Variants in ASAH2 observed in about 807,000 individuals in gnomAD.
ASAH2 encodes the protein N-acylsphingosine amidohydrolase 2.
ASAH2 carries 58 observed loss-of-function variants against 82.9 expected under a neutral mutation model. That is an observed-to-expected ratio of 0.70 (90% confidence interval 0.57 to 0.87). The LOEUF (loss-of-function observed/expected upper bound fraction) is 0.87, where lower values mean the gene tolerates loss of function less well. Ranked by LOEUF, ASAH2 falls within the 40% of genes least tolerant of loss-of-function variation. The pLI is 0.00. For synonymous variants in ASAH2, 276 were observed against 289.7 expected (o/e 0.95, Z 0.48); for missense variants, 779 against 834.0 (o/e 0.93, Z 0.81).
At chr10:50,206,536 C>CCA (rs1845301766) in intron 12 of ASAH2, among the ~76,000 whole-genome samples, 1 of 24,430 alleles carries the variant, frequency 4.1e-5, no homozygotes, top group East Asian at 9.2e-4. Context: ...ATTTAGTTAT[C>CCA]TACACACACA....
intron 7 of ASAH2, among the ~76,000 whole-genome samples, chr10:50,220,506 GTTACTCT>G (rs1386630230): frequency 3.1e-3 from 7 of 2,270 alleles, no homozygotes; most frequent in African/African-American, 3.5e-3. Context: ...GGCTCCATTT[GTTACTCT>G]TAGCAAACAA....
rs1037684362 is a variant in ASAH2, at chr10:50,202,046, C to A, written c.1761+783G>T. ...GAGGTAGTGAAGAAAGGATGTAATT[C>A]TTCCTATCCAAGTTTAGCATCATTA... On this transcript the variant is annotated intron_variant, in intron 16 of 20. Transcript: ENST00000682911. 7.5e-3 allele frequency among the ~76,000 whole-genome samples: 1,141 copies of A among 152,150 alleles called. 13 individuals are homozygous for A. Among genetic ancestry groups the A allele is most frequent in the African/African-American group, 0.026 (1,092 of 41,516 alleles).
At chr10:50,218,844 A>T (rs199603600) in intron 7 of ASAH2, among the ~76,000 whole-genome samples, 23,012 of 152,220 alleles carry the variant, frequency 0.15, 2,046 homozygotes, top group East Asian at 0.33. Flanking sequence ...TAAAAATACA[A>T]AACTCCATTT....
In ASAH2 at chr10:50,243,335, G is replaced by A; in HGVS notation, c.377C>T (p.Ser126Phe). 6.2e-7 allele frequency: 1 copy of A among 1,613,996 alleles called. No homozygotes were observed. The highest frequency in any genetic ancestry group is 8.5e-7 in the Non-Finnish European group (1 of 1,179,932). ...ADINLMGYGK[S>F]GQNAQGILTR... ...GAGGATGCCCTGTGCATTCTGGCCG[G>A]ATTTGCCATAGCCCATCTAAAGAGG... is the stretch of plus-strand genomic sequence containing the variant. Residue 126 changes from serine (S) to phenylalanine (F), a missense_variant, in exon 4 of 21, where the codon TCC (serine) becomes TTC (phenylalanine). By Grantham distance (155) the Ser-to-Phe change is radical (BLOSUM62 -2). Transcript: ENST00000682911.
intron 7 of ASAH2, among the ~76,000 whole-genome samples, chr10:50,231,312 C>A (rs953264362): frequency 1.3e-5 from 2 of 152,036 alleles, no homozygotes; most frequent in Non-Finnish European, 2.9e-5. Context: ...CACACTCTGG[C>A]CTTATGGCTC....
chr10:50,233,965 G>A (rs1846081032), intron 6 of ASAH2, among the ~76,000 whole-genome samples: 1 of 151,968 alleles, frequency 6.6e-6, no homozygotes, highest in Non-Finnish European at 1.5e-5. Context: ...CCACACTCTT[G>A]TGGACTAAGA....
At chr10:50,210,997 G>A in intron 11 of ASAH2, 33 bp downstream of exon 11, 1 of 1,599,094 alleles carries the variant, frequency 6.3e-7, no homozygotes, top group Admixed American at 1.7e-5. Flanking sequence ...CTTCACCCTT[G>A]GGGCATAACC....
chr10:50,221,500 G>A (rs1845741921), intron 7 of ASAH2, among the ~76,000 whole-genome samples: 1 of 152,098 alleles, frequency 6.6e-6, no homozygotes, highest in South Asian at 2.1e-4. Flanking sequence ...TTCTCACAGG[G>A]AACCCTTTGA....
intron 12 of ASAH2, among the ~76,000 whole-genome samples, chr10:50,207,641 A>C (rs997535997): frequency 6.6e-6 from 1 of 151,614 alleles, no homozygotes; most frequent in Non-Finnish European, 1.5e-5. Flanking sequence ...TCTAAAAAAA[A>C]AAAACTATAA....
intron 2 of ASAH2, 57 bp from the exon 3 acceptor site, chr10:50,245,511 T>G (rs7067773): frequency 0.098 from 144,167 of 1,465,904 alleles, 9,923 homozygotes; most frequent in East Asian, 0.31. Context: ...TTTGTCAACA[T>G]CAATTAGAAC....
chr10:50,227,830 G>C (rs1359121877), intron 7 of ASAH2, among the ~76,000 whole-genome samples: 1 of 152,072 alleles, frequency 6.6e-6, no homozygotes, highest in Non-Finnish European at 1.5e-5. Context: ...TCATCTAAAA[G>C]CCCTTTTAGG....
intron 7 of ASAH2, among the ~76,000 whole-genome samples, chr10:50,231,426 A>G (rs1846019658): frequency 6.6e-6 from 1 of 152,158 alleles, no homozygotes; most frequent in East Asian, 1.9e-4. Context: ...GGAAAAACTC[A>G]GGGCTACCTC....
chr10:50,195,134 A>G (rs1407102851), intron 18 of ASAH2, among the ~76,000 whole-genome samples: 3 of 151,542 alleles, frequency 2.0e-5, no homozygotes, highest in Non-Finnish European at 3.0e-5. Context: ...AACACTTGCA[A>G]ACTATGCATC....
intron 3 of ASAH2, 144 bp from the exon 4 acceptor site, chr10:50,243,495 T>C (rs574173787): frequency 1.2e-6 from 1 of 838,448 alleles, no homozygotes; most frequent in Admixed American, 3.5e-5. Flanking sequence ...AGGATATATG[T>C]TTCAAAAATT....
chr10:50,240,048 G>A (rs1589356078), intron 4 of ASAH2, among the ~76,000 whole-genome samples: 1 of 151,854 alleles, frequency 6.6e-6, no homozygotes, highest in South Asian at 2.1e-4. Context: ...GGTTGGTCTC[G>A]AACTCCTGAC....
At chr10:50,200,270 C>T (rs1209705376) in intron 16 of ASAH2, among the ~76,000 whole-genome samples, 1 of 151,144 alleles carries the variant, frequency 6.6e-6, no homozygotes, top group Non-Finnish European at 1.5e-5. Context: ...TCCCCCAAAG[C>T]CTTCCTTACT....
In ASAH2 at chr10:50,232,963, G is replaced by C. The variant is rs948356849; in HGVS notation, c.893+221C>G. Among the ~76,000 whole-genome samples the C allele has an allele frequency of 2.3e-4, 35 of 152,188 alleles. No individual in the cohort carries two copies. In the South Asian group the frequency reaches 7.3e-3, roughly 32 times the overall value. ...CCAAGATCTCTCATTTATCTTCCCTGTATTAAATCTGTTTTGTAAGTGCAG... is the reference window on the plus strand; with the variant it reads ...CCAAGATCTCTCATTTATCTTCCCTCTATTAAATCTGTTTTGTAAGTGCAG... On this transcript the variant is annotated intron_variant, in intron 7 of 20. Transcript: ENST00000682911.
rs1007298525 is a variant in ASAH2, at chr10:50,202,909, C to T, written c.1681G>A (p.Gly561Arg). 6.2e-4 allele frequency: 996 copies of T among 1,609,666 alleles called. 8 individuals are homozygous for T. The South Asian group carries it at 0.01, about 17-fold the overall frequency. The part of the protein sequence containing the change: ...EAVQAEFASH[G>R]MQNMTVVISG... ...ATAACAACAGTCATGTTCTGCATCC[C>T]ATGAGATGCAAATTCCTAGGAGAGA... Residue 561 changes from glycine (G) to arginine (R), a missense_variant, in exon 16 of 21, where the codon GGG becomes AGG. Gly to Arg is a moderately radical substitution (Grantham distance 125). This residue lies in a region of ASAH2 where 759 missense variants were observed against 755.2 expected (regional missense o/e 1.00). Transcript: ENST00000682911.
In ASAH2 at chr10:50,202,880, T is replaced by C; in HGVS notation, c.1710A>G (p.Ser570=). 6.2e-7 allele frequency: 1 copy of C among 1,612,146 alleles called. No individual in the cohort carries two copies. Residue 570 remains serine, a synonymous_variant, in exon 16 of 21, where the codon TCA becomes TCG. Coordinates refer to ENST00000682911, the MANE Select transcript of ASAH2 (RefSeq NM_019893.4). ...HGMQNMTVVI[S]GLCNVYTHYI... Reference sequence around the variant, plus strand: ...AATGTGTATAGACGTTGCATAGACCTGAAATAACAACAGTCATGTTCTGCA... The same window carrying C: ...AATGTGTATAGACGTTGCATAGACCCGAAATAACAACAGTCATGTTCTGCA...
Sources: gnomAD v4.1 joint callset for allele counts (sites outside exome capture counted in the v4.1 genomes callset) on GRCh38, gnomAD v4.1.1 for gene constraint, gnomAD v4.1.1 regional missense constraint, MANE v1.5 for transcripts, NCBI Gene and HGNC (gene_info 2026-07-23, HGNC 2026-07-21) for gene names.